TFR2: variants seen among roughly 807,000 people sequenced by gnomAD.
TFR2 encodes the protein transferrin receptor protein 2.
Under a neutral mutation model 91.9 loss-of-function variants are expected in TFR2, and 64 were observed. The ratio of observed to expected loss-of-function variants is 0.70; its 90% CI spans 0.57 to 0.86. The LOEUF is 0.86. Among genes scored for constraint, TFR2 ranks in the 40% least tolerant of loss-of-function variants. TFR2 has a pLI of 0.00. For missense variants in TFR2, 950 were observed against 1,080.5 expected (o/e 0.88, Z 1.69); for synonymous variants, 454 against 459.6 (o/e 0.99, Z 0.15).
rs1803075830 is a variant in TFR2 at position 100,620,645 on chromosome 7, G to A, written c.*212C>T. ...CTACTCTCTGATTAACCGACAGTAT[G>A]ACCGTCACATTAGGGTCAGCTACAC... On this transcript the variant is annotated 3_prime_UTR_variant, in exon 18 of 18. Coordinates refer to ENST00000223051, the MANE Select transcript of TFR2 (RefSeq NM_003227.4). 1 of 610,366 alleles carries A rather than the reference G, an allele frequency of 1.6e-6. No individual in the cohort carries two copies. The highest frequency in any genetic ancestry group is 2.9e-5 in the East Asian group (1 of 34,326). The allele number at this position is 610,366 out of a possible 1,614,324, so 37.8% of individuals were successfully genotyped here. A position where few individuals can be genotyped will look rare whatever the true frequency, so the allele number is the denominator to read the frequency against.
At chr7:100,635,084 G>A (rs972898862) in intron 3 of TFR2, among the ~76,000 whole-genome samples, 7 of 148,714 alleles carry the variant, frequency 4.7e-5, no homozygotes, top group South Asian at 2.1e-4. Context: ...GACCACAGGC[G>A]CCTACCACCA....
At chr7:100,629,992 C>T (rs1803384289) in intron 9 of TFR2, among the ~76,000 whole-genome samples, 1 of 152,166 alleles carries the variant, frequency 6.6e-6, no homozygotes, top group Admixed American at 6.5e-5. Context: ...GATCCGCCCA[C>T]CTCGGCCTTC....
rs563152574 is a variant in TFR2 at position 100,626,773 on chromosome 7, C to T, written c.2126G>A (p.Arg709His). The T allele has an allele frequency of 1.9e-6, 3 of 1,545,844 alleles. No individual in the cohort carries two copies. The South Asian group carries it at 3.6e-5, about 18-fold the overall frequency. ...DERLTRMYNV[R>H]IMRVEFYFLS... is the part of the protein sequence containing the mutation. The stretch of plus-strand genomic sequence containing the variant: ...AGGGCGGGGCCTCACCCGCATTATG[C>T]GCACGTTGTACATGCGTGTCAGTCG... The change falls in exon 17 of 18, where the codon CGC (arginine) becomes CAC (histidine). Residue 709 changes from arginine (R) to histidine (H), a missense_variant. Physicochemically the swap from Arg to His is conservative, Grantham distance 29 (BLOSUM62 0). Transcript: ENST00000223051.
At chr7:100,626,630 A>G (rs2131310627) in intron 17 of TFR2, 133 bp downstream of exon 17, 2 of 1,472,184 alleles carry the variant, frequency 1.4e-6, no homozygotes, top group Non-Finnish European at 1.8e-6. Flanking sequence ...AGGACTGGGA[A>G]GAGAGCATCC....
chr7:100,626,497 T>G, intron 17 of TFR2: 1 of 1,325,992 alleles, frequency 7.5e-7, no homozygotes, highest in Non-Finnish European at 9.7e-7. Context: ...GAGGGTGGAT[T>G]GTCCCAGTTC....
At chr7:100,628,738 G>A (rs1471745487) in intron 10 of TFR2, among the ~76,000 whole-genome samples, 1 of 151,326 alleles carries the variant, frequency 6.6e-6, no homozygotes, top group Non-Finnish European at 1.5e-5. Context: ...CATGGACTAT[G>A]ATTATCATTC....
In TFR2 at chr7:100,641,021, C is replaced by A; in HGVS notation, c.241G>T (p.Ala81Ser). 6.2e-7 allele frequency: 1 copy of A among 1,601,958 alleles called. No individual in the cohort carries two copies. The highest frequency in any genetic ancestry group is 8.5e-7 in the Non-Finnish European group (1 of 1,173,064). ...LIPWAAAGRR[A>S]APYLVLTALL... ...GCCGTCAGGACCAGGTAGGGGGCAGCCCTCCGTCCTGCTGCCGCCCAGGGA... is the reference window on the plus strand; with the variant it reads ...GCCGTCAGGACCAGGTAGGGGGCAGACCTCCGTCCTGCTGCCGCCCAGGGA... Residue 81 changes from alanine (A) to serine (S), a missense_variant, in exon 2 of 18, where the codon GCT (alanine) becomes TCT (serine). Physicochemically the swap from Ala to Ser is moderately conservative, Grantham distance 99. Coordinates refer to ENST00000223051, the MANE Select transcript of TFR2 (RefSeq NM_003227.4).
At chr7:100,621,225 TTGTTTGTTTTCTTTTTG>T (rs1562835209) in intron 17 of TFR2, 99 bp from the exon 18 acceptor site, 2 of 1,357,678 alleles carry the variant, frequency 1.5e-6, no homozygotes, top group Non-Finnish European at 1.9e-6. Flanking sequence ...GTTTTTTTGT[TTGTTTGTTTTCTTTTTG>T]TGTTTGTTTT....
At chr7:100,623,241 C>G (rs944539954) in intron 17 of TFR2, among the ~76,000 whole-genome samples, 7 of 152,360 alleles carry the variant, frequency 4.6e-5, no homozygotes, top group Admixed American at 3.3e-4. Context: ...CCACTGCACT[C>G]CAGTCTGGTG....
chr7:100,625,215 A>G (rs1438928653), intron 17 of TFR2, among the ~76,000 whole-genome samples: 1 of 151,724 alleles, frequency 6.6e-6, no homozygotes, highest in Non-Finnish European at 1.5e-5. Context: ...GTGTGCCACC[A>G]TGCCCAGCTA....
chr7:100,631,761 C>T, intron 8 of TFR2, 45 bp downstream of exon 8: 1 of 1,594,970 alleles, frequency 6.3e-7, no homozygotes. Flanking sequence ...CTGCAGCCTT[C>T]CTCTCTCTGC....
chr7:100,628,829 C>T (rs149319219), intron 10 of TFR2, among the ~76,000 whole-genome samples: 9,735 of 151,744 alleles, frequency 0.064, 411 homozygotes, highest in South Asian at 0.092. Flanking sequence ...TGCAGTGGTG[C>T]GATCTCGGCT....
At chr7:100,631,136 C>T in intron 8 of TFR2, 84 bp from the exon 9 acceptor site, 1 of 1,394,812 alleles carries the variant, frequency 7.2e-7, no homozygotes, top group Non-Finnish European at 9.4e-7. Context: ...TTCTTTCCCT[C>T]CCACCCTTTC....
chr7:100,637,550 T>C (rs937288425), intron 3 of TFR2, among the ~76,000 whole-genome samples: 11 of 152,236 alleles, frequency 7.2e-5, no homozygotes, highest in Non-Finnish European at 1.6e-4. Flanking sequence ...GCTAAGATCA[T>C]GCCACTGTAC....
chr7:100,635,293 G>GT (rs1256378001), intron 3 of TFR2, among the ~76,000 whole-genome samples: 1 of 151,690 alleles, frequency 6.6e-6, no homozygotes, highest in Non-Finnish European at 1.5e-5. Context: ...CCAGCCTGGA[G>GT]TGCAGTGGCA....
rs775498234 is a variant in TFR2, at chr7:100,627,557, G to C, written c.1767+20C>G. 8.7e-6 allele frequency: 14 copies of C among 1,613,978 alleles called. No individual in the cohort carries two copies. In the East Asian group the frequency reaches 3.1e-4, roughly 36 times the overall value. On this transcript the variant is annotated intron_variant, in intron 15 of 17. Transcript: ENST00000223051. ...CTGAAGGACTAGCGCTGTGTCTGGGGCAGGGGGAGGACGTCTCACCTCCAT... is the reference window on the plus strand; with the variant it reads ...CTGAAGGACTAGCGCTGTGTCTGGGCCAGGGGGAGGACGTCTCACCTCCAT...
chr7:100,641,529 G>A lies in TFR2; in HGVS notation c.-20C>T, dbSNP rs1287689017. ...CTCCATGCTTGTGTCCCCTCCTGAA[G>A]CCTGCAGGCTGTCCCCCAGCGATAA... On this transcript the variant is annotated 5_prime_UTR_variant, in exon 1 of 18. Transcript: ENST00000223051. 7.4e-6 allele frequency: 12 copies of A among 1,613,466 alleles called. No homozygotes were observed. The highest frequency in any genetic ancestry group is 3.3e-4 in the Middle Eastern group (2 of 6,084).
Position 100,641,512 on chromosome 7 carries a change from T to C in TFR2, c.-3A>G, listed in dbSNP as rs1803700716. Reference sequence around the variant, plus strand: ...AATAGACCCCAAAGCCGCTCCATGCTTGTGTCCCCTCCTGAAGCCTGCAGG... The same window carrying C: ...AATAGACCCCAAAGCCGCTCCATGCCTGTGTCCCCTCCTGAAGCCTGCAGG... On this transcript the variant is annotated 5_prime_UTR_variant, in exon 1 of 18. Transcript: ENST00000223051. 2 of 1,613,732 alleles carry C rather than the reference T, an allele frequency of 1.2e-6. No individual in the cohort carries two copies. The highest frequency in any genetic ancestry group is 2.7e-5 in the African/African-American group (2 of 74,886).
chr7:100,624,731 G>A (rs1033760879), intron 17 of TFR2, among the ~76,000 whole-genome samples: 28 of 152,120 alleles, frequency 1.8e-4, no homozygotes, highest in African/African-American at 6.8e-4. Flanking sequence ...GCGGAGTGTG[G>A]TAGTGTGTCC....
Sources: allele counts gnomAD v4.1 joint callset (sites outside exome capture counted in the v4.1 genomes callset), GRCh38; gene constraint gnomAD v4.1.1; transcripts MANE v1.5; gene names NCBI Gene and HGNC (gene_info 2026-07-23, HGNC 2026-07-21).